The following MAGI1 variants were observed in gnomAD, a reference collection of about 807,000 sequenced individuals.
MAGI1 encodes membrane associated guanylate kinase, WW and PDZ domain containing 1.
A neutral mutation model predicts 139.9 loss-of-function variants in MAGI1; 58 were observed. That is an observed-to-expected ratio of 0.41 (90% CI 0.34 to 0.52). MAGI1 has a LOEUF of 0.52. MAGI1 is among the 20% of genes least tolerant of loss of function. The pLI is 0.12. For missense variants in MAGI1, 1,874 were observed against 1,901.6 expected (o/e 0.99, Z 0.27); for synonymous variants, 812 against 737.9 (o/e 1.10, Z -1.63).
At chr3:65,516,113 A>C (rs540358556) in intron 2 of MAGI1, among the ~76,000 whole-genome samples, 2 of 152,314 alleles carry the variant, frequency 1.3e-5, no homozygotes, top group Non-Finnish European at 2.9e-5. Context: ...GCTGAGGGTG[A>C]GAGAATTGCC....
At chr3:65,485,426 AC>A (rs1271376412) in intron 3 of MAGI1, among the ~76,000 whole-genome samples, 1 of 152,064 alleles carries the variant, frequency 6.6e-6, no homozygotes. Context: ...GAGGTAAGGG[AC>A]CTCTCTCTCT....
intron 1 of MAGI1, among the ~76,000 whole-genome samples, chr3:65,853,965 G>A (rs570082651): frequency 1.3e-5 from 2 of 152,074 alleles, no homozygotes; most frequent in African/African-American, 2.4e-5. Flanking sequence ...AAAATTAGCC[G>A]GGTGTTGTGG....
At position 65,478,692 on chromosome 3, in the gene MAGI1, C is replaced by T. The variant is rs767363482; in HGVS notation, c.657G>A (p.Pro219=). 6.2e-6 allele frequency: 10 copies of T among 1,613,956 alleles called. No individual in the cohort carries two copies. Among genetic ancestry groups the T allele is most frequent in the Admixed American group, 3.3e-5 (2 of 59,976 alleles). ...TATCATTGTAGGACTTGGTTCGCTT[C>T]GGGGTCGACTGCTTAGAGCCAGACT... ...SLQSGSKQST[P]KRTKSYNDMQ... is the part of the protein sequence containing the mutation. The change falls in exon 4 of 23, where the codon CCG becomes CCA. Residue 219 remains proline (P), a synonymous_variant. Transcript: ENST00000402939.
chr3:65,734,587 G>GA (rs1491101146), intron 1 of MAGI1, among the ~76,000 whole-genome samples: 13 of 150,854 alleles, frequency 8.6e-5, no homozygotes, highest in Non-Finnish European at 1.6e-4. Flanking sequence ...GAGAGAGAGA[G>GA]GGAGAGAGAG....
intron 1 of MAGI1, among the ~76,000 whole-genome samples, chr3:65,992,817 G>A (rs117241784): frequency 8.5e-5 from 13 of 152,068 alleles, no homozygotes; most frequent in South Asian, 2.1e-4. Context: ...GCATCATTTC[G>A]GCTTTATTTT....
chr3:65,509,498 G>C (rs887322039), intron 2 of MAGI1, among the ~76,000 whole-genome samples: 2 of 152,308 alleles, frequency 1.3e-5, no homozygotes. Flanking sequence ...CTTGGGAAGC[G>C]CAAGGGGCCA....
At chr3:65,669,797 A>C (rs2086745840) in intron 1 of MAGI1, among the ~76,000 whole-genome samples, 1 of 152,186 alleles carries the variant, frequency 6.6e-6, no homozygotes, top group African/African-American at 2.4e-5. Context: ...GCTCAACTTT[A>C]GTTTTTCAGC....
At chr3:65,942,180 G>C (rs2063346264) in intron 1 of MAGI1, among the ~76,000 whole-genome samples, 1 of 151,662 alleles carries the variant, frequency 6.6e-6, no homozygotes, top group Non-Finnish European at 1.5e-5. Flanking sequence ...CAGTCTGAGA[G>C]AAGTGTTACT....
At chr3:66,008,722 T>C (rs1308199889) in intron 1 of MAGI1, 1 of 151,986 alleles carries the variant, frequency 6.6e-6, no homozygotes, top group Non-Finnish European at 1.5e-5. Context: ...GGGAACAGTG[T>C]CCAGCCAAAG....
chr3:65,416,591 G>C (rs1946235472), intron 12 of MAGI1, among the ~76,000 whole-genome samples: 1 of 152,176 alleles, frequency 6.6e-6, no homozygotes, highest in African/African-American at 2.4e-5. Context: ...TTTGTTGAAT[G>C]AATGAATGAA....
At chr3:65,809,475 A>G (rs560441993) in intron 1 of MAGI1, among the ~76,000 whole-genome samples, 4 of 152,352 alleles carry the variant, frequency 2.6e-5, no homozygotes, top group Admixed American at 2.6e-4. Context: ...TGGAGCCAAG[A>G]AAGGTGACAG....
chr3:65,768,582 T>C (rs1240638723), intron 1 of MAGI1, among the ~76,000 whole-genome samples: 1 of 152,160 alleles, frequency 6.6e-6, no homozygotes, highest in East Asian at 1.9e-4. Flanking sequence ...AAAGTTAGAA[T>C]GCTTTCTAAA....
intron 2 of MAGI1, among the ~76,000 whole-genome samples, chr3:65,510,822 C>T (rs1473053561): frequency 5.5e-5 from 8 of 144,602 alleles, no homozygotes; most frequent in African/African-American, 1.0e-4. Context: ...AGATACTCCT[C>T]GAGAAGAGCA....
intron 2 of MAGI1, among the ~76,000 whole-genome samples, chr3:65,600,540 C>G (rs77183216): frequency 0.026 from 3,890 of 152,244 alleles, 166 homozygotes; most frequent in African/African-American, 0.088. Flanking sequence ...CCAGCAGAAG[C>G]CAGGAGAGAT....
intron 1 of MAGI1, among the ~76,000 whole-genome samples, chr3:65,871,825 T>A (rs963928674): frequency 6.6e-6 from 1 of 152,216 alleles, no homozygotes. Flanking sequence ...CTTTCCTTTC[T>A]CCCTAACCCC....
intron 1 of MAGI1, among the ~76,000 whole-genome samples, chr3:65,959,057 T>C (rs190708837): frequency 6.6e-6 from 1 of 152,098 alleles, no homozygotes; most frequent in Admixed American, 6.5e-5. Flanking sequence ...TGGTGCTTCT[T>C]ACAACTGCCA....
chr3:65,702,159 T>A (rs1411651879), intron 1 of MAGI1, among the ~76,000 whole-genome samples: 3 of 152,140 alleles, frequency 2.0e-5, no homozygotes. Flanking sequence ...TGGTCCCCCA[T>A]AATAGCAGCA....
Position 65,626,262 on chromosome 3 carries a change from C to T in MAGI1, c.314-4174G>A, listed in dbSNP as rs538950985. ...CATATATAACAAAGATTTGTACATC[C>T]TTATGGATCATATGTGGTAACTATC... On this transcript the variant is annotated intron_variant, in intron 1 of 22. Transcript: ENST00000402939. Among the ~76,000 whole-genome samples, 8 of 152,248 alleles carry T rather than the reference C, an allele frequency of 5.3e-5. No individual in the cohort carries two copies. In the East Asian group the frequency reaches 1.2e-3, roughly 22 times the overall value.
At chr3:65,627,310 C>A (rs2084021751) in intron 1 of MAGI1, among the ~76,000 whole-genome samples, 2 of 151,896 alleles carry the variant, frequency 1.3e-5, no homozygotes, top group African/African-American at 2.4e-5. Context: ...GACTAAATCA[C>A]CTAAGGCCAC....
Sources: gnomAD v4.1 joint callset for allele counts (sites outside exome capture counted in the v4.1 genomes callset) on GRCh38, gnomAD v4.1.1 for gene constraint, MANE v1.5 for transcripts, NCBI Gene and HGNC (gene_info 2026-07-23, HGNC 2026-07-21) for gene names.